The following TTF2 variants were observed in gnomAD, a reference collection of about 807,000 sequenced individuals.
TTF2 encodes the protein RNA polymerase II termination factor.
TTF2 carries 108 observed loss-of-function variants against 142.4 expected under a neutral mutation model. That is an observed-to-expected ratio of 0.76 (90% CI 0.65 to 0.89). The LOEUF (loss-of-function observed/expected upper bound fraction) is 0.89. Ranked by LOEUF, TTF2 falls within the 40% of genes least tolerant of loss-of-function variation. TTF2 has a pLI of 0.00. For missense variants in TTF2, 1,327 were observed against 1,379.8 expected, an observed-to-expected ratio of 0.96 and a Z score of 0.61; for synonymous variants, 483 against 506.2, an observed-to-expected ratio of 0.95 and a Z score of 0.61.
rs562913643 is a variant in TTF2, at chr1:117,092,988, G to A, written c.2976+87G>A. 4 of 1,491,000 alleles carry A rather than the reference G, an allele frequency of 2.7e-6. No homozygotes were observed. In the South Asian group the frequency reaches 5.0e-5, roughly 18 times the overall value. The allele number at this position is 1,491,000 out of a possible 1,614,324, so 92.4% of individuals were successfully genotyped here. ...GACAGCACTTCATTTGTCCAAGTGGGAACAGCCATTTGCCAGCAGAGCTAG... is the reference window on the plus strand; with the variant it reads ...GACAGCACTTCATTTGTCCAAGTGGAAACAGCCATTTGCCAGCAGAGCTAG... On this transcript the variant is annotated intron_variant, in intron 18 of 22. Coordinates refer to ENST00000369466, the MANE Select transcript of TTF2 (RefSeq NM_003594.4). This position sits in a 1 kb window ranked among gnomAD's most constrained non-coding sequence, Gnocchi z 4.4.
chr1:117,094,443 A>G (rs1648906272), intron 18 of TTF2, among the ~76,000 whole-genome samples: 1 of 152,040 alleles, frequency 6.6e-6, no homozygotes, highest in Non-Finnish European at 1.5e-5. Flanking sequence ...GCCCAGCTGC[A>G]CTCCAAAGTC....
intron 13 of TTF2, among the ~76,000 whole-genome samples, 182 bp from the exon 14 acceptor site, chr1:117,089,873 T>C (rs1648411406): frequency 6.6e-6 from 1 of 152,238 alleles, no homozygotes; most frequent in Admixed American, 6.5e-5. Context: ...GGTTTTGTTA[T>C]TGACTTACAT....
chr1:117,107,087 G>A lies in TTF2; in HGVS notation c.*5563G>A, dbSNP rs544401892. 2.6e-5 allele frequency: 4 copies of A among 152,244 alleles called. No homozygotes were observed. Among genetic ancestry groups the A allele is most frequent in the South Asian group, 2.1e-4 (1 of 4,810 alleles). The allele number at this position is 152,244 out of a possible 1,614,324, so 9.4% of individuals were successfully genotyped here. On this transcript the variant is annotated 3_prime_UTR_variant, in exon 23 of 23. Transcript: ENST00000369466. ...TCACAATTCAAAGGTGATTTCTGAAGCACTTTGTTACACTGGGGACAGCTC... is the reference window on the plus strand; with the variant it reads ...TCACAATTCAAAGGTGATTTCTGAAACACTTTGTTACACTGGGGACAGCTC...
In TTF2 at chr1:117,063,544, T is replaced by A. The variant is rs1214551546; in HGVS notation, c.218+1071T>A. Among the ~76,000 whole-genome samples, 1 of 152,240 alleles carries A rather than the reference T, an allele frequency of 6.6e-6. No individual in the cohort carries two copies. Among genetic ancestry groups the A allele is most frequent in the Non-Finnish European group, 1.5e-5 (1 of 68,050 alleles). Reference sequence around the variant, plus strand: ...TTCTTTTACTTAACAGTATGTGAAATGTATATAATATGTATCAGTAATTCA... The same window carrying A: ...TTCTTTTACTTAACAGTATGTGAAAAGTATATAATATGTATCAGTAATTCA... On this transcript the variant is annotated intron_variant, in intron 3 of 22. Coordinates refer to ENST00000369466, the MANE Select transcript of TTF2 (RefSeq NM_003594.4). The surrounding 1 kb of genome is among the most constrained non-coding windows in gnomAD (Gnocchi z 4.1).
intron 3 of TTF2, among the ~76,000 whole-genome samples, chr1:117,068,167 A>G (rs1031664924): frequency 3.3e-5 from 5 of 152,272 alleles, no homozygotes; most frequent in Non-Finnish European, 7.3e-5. Context: ...TGTTTCTCAC[A>G]GAACTTTCAC....
intron 2 of TTF2, among the ~76,000 whole-genome samples, chr1:117,061,282 C>T (rs1216171631): frequency 6.6e-6 from 1 of 152,190 alleles, no homozygotes; most frequent in Non-Finnish European, 1.5e-5. Flanking sequence ...GTCCCAGCTA[C>T]TCGTGAGGCT....
chr1:117,075,679 G>T lies in TTF2; in HGVS notation c.1095G>T (p.Lys365Asn). ...EEDDVVFVSS[K>N]PGSPLLFDST... is the part of the protein sequence containing the mutation. ...ATGATGTTGTTTTTGTTTCCTCTAA[G>T]CCTGGGAGCCCCCTACTCTTTGACT... Residue 365 changes from lysine to asparagine, a missense_variant, in exon 5 of 23, where the codon AAG (lysine) becomes AAT (asparagine). By Grantham distance (94) the Lys-to-Asn change is moderately conservative. Coordinates refer to ENST00000369466, the MANE Select transcript of TTF2 (RefSeq NM_003594.4). This position sits in a 1 kb window ranked among gnomAD's most constrained non-coding sequence, Gnocchi z 4.5. 1 of 1,614,156 alleles carries T rather than the reference G, an allele frequency of 6.2e-7. No homozygotes were observed. The highest frequency in any genetic ancestry group is 2.2e-5 in the East Asian group (1 of 44,878).
chr1:117,092,976 T>G lies in TTF2; in HGVS notation c.2976+75T>G. On this transcript the variant is annotated intron_variant, in intron 18 of 22. Transcript: ENST00000369466. The surrounding 1 kb of genome is among the most constrained non-coding windows in gnomAD (Gnocchi z 4.4). The stretch of plus-strand genomic sequence containing the variant: ...ATTTTCCTGTGTGACAGCACTTCAT[T>G]TGTCCAAGTGGGAACAGCCATTTGC... 1 of 1,554,958 alleles carries G rather than the reference T, an allele frequency of 6.4e-7. No individual in the cohort carries two copies. Among genetic ancestry groups the G allele is most frequent in the Non-Finnish European group, 8.8e-7 (1 of 1,138,506 alleles).
intron 9 of TTF2, 50 bp from the exon 10 acceptor site, chr1:117,081,774 GTTGA>G (rs1434249704): frequency 4.4e-6 from 7 of 1,585,170 alleles, no homozygotes; most frequent in African/African-American, 2.7e-5. Context: ...TTGAACTAGG[GTTGA>G]TTATTTGCCC....
rs960797157 is a variant in TTF2 at position 117,074,857 on chromosome 1, A to G, written c.286-13A>G. On this transcript the variant is annotated splice_polypyrimidine_tract_variant and intron_variant, in intron 4 of 22. Transcript: ENST00000369466. ...TTAATATTTTATATGAAGATTAATTATTTTGTCTTTAGGATCCTGATTCCA... is the reference window on the plus strand; with the variant it reads ...TTAATATTTTATATGAAGATTAATTGTTTTGTCTTTAGGATCCTGATTCCA... 2 of 1,548,408 alleles carry G rather than the reference A, an allele frequency of 1.3e-6. No homozygotes were observed. Among genetic ancestry groups the G allele is most frequent in the Non-Finnish European group, 1.7e-6 (2 of 1,153,934 alleles).
chr1:117,081,109 A>AGG (rs1647472063), intron 9 of TTF2, among the ~76,000 whole-genome samples: 1 of 152,350 alleles, frequency 6.6e-6, no homozygotes, highest in East Asian at 1.9e-4. Context: ...GCAACCTTGT[A>AGG]AGCAGGCCTT....
At chr1:117,088,678 T>G in intron 12 of TTF2, 123 bp from the exon 13 acceptor site, 63 of 1,044,608 alleles carry the variant, frequency 6.0e-5, no homozygotes, top group Middle Eastern at 2.2e-4. Context: ...TCAGTGTACC[T>G]GAGCTAAGCA....
intron 3 of TTF2, among the ~76,000 whole-genome samples, chr1:117,069,802 A>G (rs1200764981): frequency 6.6e-6 from 1 of 152,176 alleles, no homozygotes; most frequent in South Asian, 2.1e-4. Context: ...GTTGGACATT[A>G]CCTTTAGGAA....
At chr1:117,081,023 A>G (rs1647461293) in intron 9 of TTF2, among the ~76,000 whole-genome samples, 2 of 152,254 alleles carry the variant, frequency 1.3e-5, no homozygotes, top group Admixed American at 1.3e-4. Flanking sequence ...GCAGGTGTTC[A>G]ACATAAACCA....
rs763354945 is a variant in TTF2 at position 117,075,370 on chromosome 1, G to T, written c.786G>T (p.Leu262Phe). Residue 262 changes from leucine (L) to phenylalanine (F), a missense_variant, in exon 5 of 23, where the codon TTG becomes TTT. By Grantham distance (22) the Leu-to-Phe change is conservative. Transcript: ENST00000369466. This position sits in a 1 kb window ranked among gnomAD's most constrained non-coding sequence, Gnocchi z 4.5. ...EPLREKVTQL[L>F]PQNVHSHNSI... ...TGAGAGAAAAGGTTACCCAGCTTTTGCCTCAAAATGTTCACAGTCACAACT... is the reference window on the plus strand; with the variant it reads ...TGAGAGAAAAGGTTACCCAGCTTTTTCCTCAAAATGTTCACAGTCACAACT... 3.1e-6 allele frequency: 5 copies of T among 1,614,088 alleles called. No homozygotes were observed. The highest frequency in any genetic ancestry group is 3.3e-5 in the Admixed American group (2 of 60,004).
intron 4 of TTF2, among the ~76,000 whole-genome samples, chr1:117,074,381 C>G (rs1300260628): frequency 6.6e-6 from 1 of 152,122 alleles, no homozygotes; most frequent in Admixed American, 6.6e-5. Context: ...CACTACTTTT[C>G]CTTGAGGCCT....
intron 18 of TTF2, 62 bp from the exon 19 acceptor site, chr1:117,095,247 T>C: frequency 6.5e-7 from 1 of 1,539,764 alleles, no homozygotes; most frequent in Non-Finnish European, 9.0e-7. Context: ...GCATGGCAGG[T>C]GAGGGGAGAT....
intron 3 of TTF2, among the ~76,000 whole-genome samples, chr1:117,072,581 C>T (rs1305591144): frequency 6.6e-6 from 1 of 151,826 alleles, no homozygotes; most frequent in Non-Finnish European, 1.5e-5. Context: ...TGTGCCACCA[C>T]GCCGGGCTAA....
At position 117,099,053 on chromosome 1, in the gene TTF2, C is replaced by T; in HGVS notation, c.3344+146C>T. ...CCCTGAGGCATACCTTCAGGCAAACCACAGTCAGGAGAAAAACGAGCAATT... is the reference window on the plus strand; with the variant it reads ...CCCTGAGGCATACCTTCAGGCAAACTACAGTCAGGAGAAAAACGAGCAATT... On this transcript the variant is annotated intron_variant, in intron 22 of 22. Coordinates refer to ENST00000369466, the MANE Select transcript of TTF2 (RefSeq NM_003594.4). This position sits in a 1 kb window ranked among gnomAD's most constrained non-coding sequence, Gnocchi z 4.3. 10 of 677,086 alleles carry T rather than the reference C, an allele frequency of 1.5e-5. No homozygotes were observed. The highest frequency in any genetic ancestry group is 2.2e-5 in the Non-Finnish European group (10 of 449,256). 41.9% of individuals were successfully genotyped at this position (677,086 alleles called of 1,614,324 possible).
Sources: gnomAD v4.1 joint callset for allele counts (sites outside exome capture counted in the v4.1 genomes callset) on GRCh38, gnomAD v4.1.1 for gene constraint, Gnocchi (gnomAD v3.1) non-coding constraint, MANE v1.5 for transcripts, NCBI Gene and HGNC (gene_info 2026-07-23, HGNC 2026-07-21) for gene names.